CTNND2: variants seen among roughly 807,000 people sequenced by gnomAD.
The protein encoded by CTNND2 is catenin delta-2.
CTNND2 carries 22 observed loss-of-function variants against 144.4 expected under a neutral mutation model. The ratio of observed to expected loss-of-function variants is 0.15; its 90% CI spans 0.11 to 0.22. CTNND2 has a LOEUF of 0.22. CTNND2 is among the 10% of genes least tolerant of loss of function. CTNND2 has a pLI of 1.00. For synonymous variants in CTNND2, 751 were observed against 695.6 expected (o/e 1.08, Z -1.25); for missense variants, 1,353 against 1,618.8 (o/e 0.84, Z 2.82).
At chr5:11,199,711 A>C in intron 10 of CTNND2, 50 bp from the exon 11 acceptor site, 1 of 1,357,464 alleles carries the variant, frequency 7.4e-7, no homozygotes, top group Non-Finnish European at 1.0e-6. Flanking sequence ...AGGTTTCCCT[A>C]CCTACACCAA....
intron 10 of CTNND2, among the ~76,000 whole-genome samples, chr5:11,235,444 G>C (rs1741518573): frequency 6.6e-6 from 1 of 152,070 alleles, no homozygotes; most frequent in South Asian, 2.1e-4. Flanking sequence ...GCATTTTTAG[G>C]TCACTTTAAC....
intron 12 of CTNND2, among the ~76,000 whole-genome samples, chr5:11,146,362 C>G (rs887424082): frequency 6.6e-6 from 1 of 152,176 alleles, no homozygotes; most frequent in South Asian, 2.1e-4. Context: ...TGCTGACAGG[C>G]TGACCACAAG....
intron 12 of CTNND2, among the ~76,000 whole-genome samples, chr5:11,152,844 G>A (rs774352496): frequency 2.7e-4 from 41 of 152,184 alleles, no homozygotes; most frequent in Non-Finnish European, 7.3e-5. Context: ...TAAGCTGCCC[G>A]GCCAGGAGCT....
chr5:11,812,751 C>T lies in CTNND2; in HGVS notation c.38-80479G>A, dbSNP rs74653626. ...ATTCAAACATAGTAGCCTTTGTTTT[C>T]TGATAAGGGAAGACAGCCTACAATC... On this transcript the variant is annotated intron_variant, in intron 1 of 21. Coordinates refer to ENST00000304623, the MANE Select transcript of CTNND2 (RefSeq NM_001332.4). Among the ~76,000 whole-genome samples, 2,179 of 152,166 alleles carry T rather than the reference C, an allele frequency of 0.014. 127 individuals carry two copies. In the East Asian group the frequency reaches 0.19, roughly 13 times the overall value.
chr5:11,046,161 G>T (rs1190168627), intron 16 of CTNND2, among the ~76,000 whole-genome samples: 1 of 152,136 alleles, frequency 6.6e-6, no homozygotes, highest in Non-Finnish European at 1.5e-5. Flanking sequence ...TGTAGCAACA[G>T]GGTCATTGCT....
chr5:11,724,875 T>C (rs1387691146), intron 2 of CTNND2, among the ~76,000 whole-genome samples: 1 of 152,134 alleles, frequency 6.6e-6, no homozygotes, highest in Non-Finnish European at 1.5e-5. Flanking sequence ...TATTTAGCAA[T>C]GTCTCCCTAG....
intron 2 of CTNND2, among the ~76,000 whole-genome samples, chr5:11,585,295 T>C (rs1778759172): frequency 6.6e-6 from 1 of 152,166 alleles, no homozygotes; most frequent in Admixed American, 6.6e-5. Context: ...TGACCACTTC[T>C]CTCCTACTTA....
At chr5:11,457,090 T>C (rs1765795629) in intron 3 of CTNND2, among the ~76,000 whole-genome samples, 1 of 152,222 alleles carries the variant, frequency 6.6e-6, no homozygotes, top group Admixed American at 6.5e-5. Context: ...TTTCACCTTA[T>C]TTATTTCTTT....
chr5:11,210,565 T>G (rs1218792474), intron 10 of CTNND2, among the ~76,000 whole-genome samples: 1 of 152,156 alleles, frequency 6.6e-6, no homozygotes, highest in East Asian at 1.9e-4. Context: ...ATCTCTTCAT[T>G]TGGAGAGGAT....
chr5:11,023,615 T>C (rs1231125436), intron 16 of CTNND2, among the ~76,000 whole-genome samples: 2 of 152,228 alleles, frequency 1.3e-5, no homozygotes, highest in Admixed American at 6.5e-5. Context: ...CTCTGAACTA[T>C]AGTAACCTGA....
At chr5:11,745,157 C>T (rs1218966911) in intron 1 of CTNND2, among the ~76,000 whole-genome samples, 3 of 152,068 alleles carry the variant, frequency 2.0e-5, no homozygotes, top group African/African-American at 7.2e-5. Flanking sequence ...ACCAAATAAA[C>T]ATTGTATTTA....
At chr5:11,866,882 G>A (rs1202506117) in intron 1 of CTNND2, among the ~76,000 whole-genome samples, 1 of 152,164 alleles carries the variant, frequency 6.6e-6, no homozygotes, top group Non-Finnish European at 1.5e-5. Flanking sequence ...TAGTTATCAT[G>A]AACTCACTCC....
intron 3 of CTNND2, among the ~76,000 whole-genome samples, chr5:11,555,744 G>A (rs1776180119): frequency 6.6e-6 from 1 of 151,924 alleles, no homozygotes; most frequent in South Asian, 2.1e-4. Context: ...AGAATAAAGG[G>A]GTTATGACAA....
intron 2 of CTNND2, among the ~76,000 whole-genome samples, chr5:11,682,977 T>C (rs1784486461): frequency 6.6e-6 from 1 of 152,212 alleles, no homozygotes. Context: ...TAAAGATAAT[T>C]ACTAAATTTA....
At chr5:11,485,685 T>G (rs1173822469) in intron 3 of CTNND2, among the ~76,000 whole-genome samples, 1 of 152,190 alleles carries the variant, frequency 6.6e-6, no homozygotes, top group Non-Finnish European at 1.5e-5. Flanking sequence ...GAAAATTATG[T>G]ACCATTTTGG....
At chr5:11,104,943 G>A (rs562057520) in intron 14 of CTNND2, among the ~76,000 whole-genome samples, 1 of 152,336 alleles carries the variant, frequency 6.6e-6, no homozygotes, top group Non-Finnish European at 1.5e-5. Flanking sequence ...TCCTCCTGTG[G>A]GGGGCCACGG....
At chr5:11,874,905 C>A (rs1004065833) in intron 1 of CTNND2, among the ~76,000 whole-genome samples, 1 of 152,074 alleles carries the variant, frequency 6.6e-6, no homozygotes, top group East Asian at 1.9e-4. Flanking sequence ...GAAAATATAA[C>A]CCAGACATCT....
At chr5:11,585,931 AG>A (rs1268996206) in intron 2 of CTNND2, among the ~76,000 whole-genome samples, 1 of 151,940 alleles carries the variant, frequency 6.6e-6, no homozygotes, top group Non-Finnish European at 1.5e-5. Flanking sequence ...GTTCTAGGAG[AG>A]GTGAGGAGTT....
intron 2 of CTNND2, among the ~76,000 whole-genome samples, chr5:11,675,107 T>C (rs1159668597): frequency 6.6e-6 from 1 of 152,128 alleles, no homozygotes. Flanking sequence ...CAAACTAAGA[T>C]TGTCAATGAA....
Sources: gnomAD v4.1 joint callset for allele counts (sites outside exome capture counted in the v4.1 genomes callset) on GRCh38, gnomAD v4.1.1 for gene constraint, MANE v1.5 for transcripts, NCBI Gene and HGNC (gene_info 2026-07-23, HGNC 2026-07-21) for gene names.